TMEM72: variants seen among roughly 807,000 people sequenced by gnomAD.
TMEM72 encodes kidney-specific secretory protein of 37 kDa.
Under a neutral mutation model 16.3 loss-of-function variants are expected in TMEM72, and 9 were observed. The observed-to-expected ratio is 0.55, with a 90% CI of 0.33 to 0.96. The LOEUF is 0.96. TMEM72 is among the 40% of genes least tolerant of loss of function. TMEM72 has a pLI of 0.03. For synonymous variants in TMEM72, 160 were observed against 146.5 expected (o/e 1.09, Z -0.66); for missense variants, 324 against 337.8 (o/e 0.96, Z 0.32).
chr10:44,934,523 G>A, intron 4 of TMEM72, 133 bp from the exon 5 acceptor site: 1 of 868,360 alleles, frequency 1.2e-6, no homozygotes, highest in Non-Finnish European at 1.7e-6. Context: ...CAGGCAAGAG[G>A]GCCAGGGCCA....
In TMEM72 at chr10:44,935,229, AG is replaced by A; in HGVS notation, c.*99del. 9 of 1,262,176 alleles carry A rather than the reference AG, an allele frequency of 7.1e-6. No individual in the cohort carries two copies. The highest frequency in any genetic ancestry group is 9.7e-6 in the Non-Finnish European group (9 of 924,392). The allele number at this position is 1,262,176 out of a possible 1,614,324, so 78.2% of individuals were successfully genotyped here. A position where few individuals can be genotyped will look rare whatever the true frequency, so the allele number is the denominator to read the frequency against. On this transcript the variant is annotated 3_prime_UTR_variant, in exon 5 of 5. Transcript: ENST00000389583. ...AGGGTCTTCTCTGGTCAGCTTTTCA[AG>A]GGGTAACCAGACACCCCCACACTGG...
chr10:44,921,735 A>C (rs1292160344), intron 1 of TMEM72, among the ~76,000 whole-genome samples: 1 of 152,198 alleles, frequency 6.6e-6, no homozygotes, highest in Non-Finnish European at 1.5e-5. Flanking sequence ...AGAAGTATGG[A>C]AGGCCAGAGC....
Position 44,933,661 on chromosome 10 carries a change from C to G in TMEM72, c.234C>G (p.Asp78Glu), listed in dbSNP as rs1191381407. Residue 78 changes from aspartate (D) to glutamate (E), a missense_variant, in exon 4 of 5, where the codon GAC (aspartate) becomes GAG (glutamate). By Grantham distance (45) the Asp-to-Glu change is conservative. Transcript: ENST00000389583. ...GGTGTCAACCAGGGTCCCTGGCAGACAGAGTAAGGGAGAAAGCCCACTGGC... is the reference window on the plus strand; with the variant it reads ...GGTGTCAACCAGGGTCCCTGGCAGAGAGAGTAAGGGAGAAAGCCCACTGGC... ...CFQCQPGSLADRVREKAHWLG... is the reference protein window; with the variant it reads ...CFQCQPGSLAERVREKAHWLG... The G allele has an allele frequency of 1.9e-6, 3 of 1,613,694 alleles. No homozygotes were observed. The Middle Eastern group carries it at 4.9e-4, about 265-fold the overall frequency.
chr10:44,913,505 G>A (rs961840784), intron 1 of TMEM72, among the ~76,000 whole-genome samples: 3 of 151,984 alleles, frequency 2.0e-5, no homozygotes, highest in Non-Finnish European at 2.9e-5. Flanking sequence ...CATAGGGCTC[G>A]TCTTAACCAC....
At chr10:44,933,912 G>GGCA in intron 4 of TMEM72, 136 bp downstream of exon 4, 6 of 1,149,658 alleles carry the variant, frequency 5.2e-6, no homozygotes, top group Non-Finnish European at 7.1e-6. Flanking sequence ...TGACCTAGAG[G>GGCA]GTGGACATGA....
chr10:44,911,583 G>C lies in TMEM72; in HGVS notation c.70+1G>C. 6.5e-7 allele frequency: 1 copy of C among 1,550,178 alleles called. No individual in the cohort carries two copies. The highest frequency in any genetic ancestry group is 8.7e-7 in the Non-Finnish European group (1 of 1,147,166). On this transcript the variant is annotated splice_donor_variant, in intron 1 of 4. Coordinates refer to ENST00000389583, the MANE Select transcript of TMEM72 (RefSeq NM_001123376.3). LOFTEE classifies it high-confidence loss of function. ...CTCCTGGGCATCACCACTGCTGCAG[G>C]TAAGACCCTGCCTCCTGGCTGCTGA... is the stretch of plus-strand genomic sequence containing the variant.
rs569027698 is a variant in TMEM72 at position 44,916,492 on chromosome 10, G to A, written c.70+4910G>A. Among the ~76,000 whole-genome samples the A allele has an allele frequency of 9.9e-5, 15 of 152,192 alleles. 1 individual carries two copies. The South Asian group carries it at 3.1e-3, about 32-fold the overall frequency. ...AGAGCAAATGCATAGTTTGACCTTA[G>A]CCCTGTTCAAAGCCTTCAGGAAAAC... On this transcript the variant is annotated intron_variant, in intron 1 of 4. Transcript: ENST00000389583.
rs1840379363 is a variant in TMEM72, at chr10:44,935,152, G to C, written c.*18G>C. The C allele has an allele frequency of 3.2e-6, 5 of 1,548,308 alleles. No homozygotes were observed. The highest frequency in any genetic ancestry group is 4.4e-6 in the Non-Finnish European group (5 of 1,147,952). On this transcript the variant is annotated 3_prime_UTR_variant, in exon 5 of 5. Coordinates refer to ENST00000389583, the MANE Select transcript of TMEM72 (RefSeq NM_001123376.3). ...TGTTCTGAGCGCTTGCTCCAGCCTG[G>C]AGGACGCTCAGTGAGGGGTCTACCT...
chr10:44,914,432 G>GGCGCCCATGGGTCCATGTGCATGCAT (rs1839984327), intron 1 of TMEM72, among the ~76,000 whole-genome samples: 1 of 152,224 alleles, frequency 6.6e-6, no homozygotes, highest in Non-Finnish European at 1.5e-5. Flanking sequence ...TTGGGGGGCA[G>GGCGCCCATGGGTCCATGTGCATGCAT]GCGCCCATGG....
intron 3 of TMEM72, among the ~76,000 whole-genome samples, chr10:44,933,261 C>A (rs1245249313): frequency 6.6e-6 from 1 of 152,254 alleles, no homozygotes; most frequent in Non-Finnish European, 1.5e-5. Context: ...CAGTGCACTA[C>A]AAGCACAACT....
chr10:44,914,381 C>A (rs1371103580), intron 1 of TMEM72, among the ~76,000 whole-genome samples: 1 of 152,232 alleles, frequency 6.6e-6, no homozygotes, highest in Non-Finnish European at 1.5e-5. Flanking sequence ...ATTGTTTACA[C>A]CGGGTTCATT....
At position 44,911,479 on chromosome 10, in the gene TMEM72, G is replaced by A. The variant is rs772574441; in HGVS notation, c.-34G>A. 2 of 1,547,484 alleles carry A rather than the reference G, an allele frequency of 1.3e-6. No homozygotes were observed. The highest frequency in any genetic ancestry group is 3.9e-5 in the Admixed American group (2 of 50,972). On this transcript the variant is annotated 5_prime_UTR_variant, in exon 1 of 5. Coordinates refer to ENST00000389583, the MANE Select transcript of TMEM72 (RefSeq NM_001123376.3). ...CTCAGGGCCGAAGACTTTGCTGCCT[G>A]CCCTGCCAGGACTTTGTCCTCACCC...
intron 1 of TMEM72, among the ~76,000 whole-genome samples, chr10:44,924,670 C>T (rs1589043584): frequency 1.3e-5 from 2 of 152,246 alleles, no homozygotes; most frequent in East Asian, 3.9e-4. Context: ...GGAACACGAA[C>T]CCCAAAAGTG....
At chr10:44,924,208 G>C (rs538142015) in intron 1 of TMEM72, among the ~76,000 whole-genome samples, 1 of 152,302 alleles carries the variant, frequency 6.6e-6, no homozygotes, top group South Asian at 2.1e-4. Flanking sequence ...TGCTTCTGCT[G>C]TTAGGGGCCC....
chr10:44,927,734 C>T (rs1467217829), intron 1 of TMEM72, among the ~76,000 whole-genome samples, 187 bp from the exon 2 acceptor site: 1 of 152,244 alleles, frequency 6.6e-6, no homozygotes, highest in African/African-American at 2.4e-5. Context: ...TTCCAGGGAG[C>T]AATCCAGGAG....
chr10:44,922,381 T>C (rs1840114775), intron 1 of TMEM72, among the ~76,000 whole-genome samples: 1 of 152,170 alleles, frequency 6.6e-6, no homozygotes, highest in Non-Finnish European at 1.5e-5. Context: ...CTGCCAATTC[T>C]GGAGAACAGT....
Position 44,912,306 on chromosome 10 carries a change from C to G in TMEM72, c.70+724C>G, listed in dbSNP as rs117811796. Among the ~76,000 whole-genome samples, 61 of 152,316 alleles carry G rather than the reference C, an allele frequency of 4.0e-4. No homozygotes were observed. The East Asian group carries it at 0.01, about 26-fold the overall frequency. On this transcript the variant is annotated intron_variant, in intron 1 of 4. Transcript: ENST00000389583. ...AGAGCCCAGAGCCACCATCCTGAGC[C>G]CTGCCTGCTCGCTTCCCCAGGGCAG...
At chr10:44,932,760 A>T (rs1840321335) in intron 3 of TMEM72, among the ~76,000 whole-genome samples, 1 of 152,202 alleles carries the variant, frequency 6.6e-6, no homozygotes, top group South Asian at 2.1e-4. Context: ...CTTTCTGCTG[A>T]ATTCCACTGC....
At position 44,933,671 on chromosome 10, in the gene TMEM72, G is replaced by A. The variant is rs756225702; in HGVS notation, c.244G>A (p.Glu82Lys). 3 of 1,613,968 alleles carry A rather than the reference G, an allele frequency of 1.9e-6. No individual in the cohort carries two copies. Among genetic ancestry groups the A allele is most frequent in the Non-Finnish European group, 2.5e-6 (3 of 1,180,000 alleles). Reference protein sequence around the residue: ...QPGSLADRVREKAHWLGCFQK... With the variant: ...QPGSLADRVRKKAHWLGCFQK... ...AGGGTCCCTGGCAGACAGAGTAAGG[G>A]AGAAAGCCCACTGGCTGGGCTGCTT... The change falls in exon 4 of 5, where the codon GAG (glutamate) becomes AAG (lysine). Residue 82 changes from glutamate to lysine, a missense_variant. Transcript: ENST00000389583.
Sources: gnomAD v4.1 joint callset for allele counts (sites outside exome capture counted in the v4.1 genomes callset) on GRCh38, gnomAD v4.1.1 for gene constraint, MANE v1.5 for transcripts, NCBI Gene and HGNC (gene_info 2026-07-23, HGNC 2026-07-21) for gene names.